The following SMAD5 variants were observed in gnomAD, a reference collection of about 807,000 sequenced individuals.
The protein encoded by SMAD5 is SMAD family member 5.
A neutral mutation model predicts 43.1 loss-of-function variants in SMAD5; 9 were observed. The ratio of observed to expected loss-of-function variants is 0.21; its 90% CI spans 0.13 to 0.36. SMAD5 has a LOEUF of 0.36. SMAD5 is among the 10% of genes least tolerant of loss of function. The pLI is 1.00. For synonymous variants in SMAD5, 190 were observed against 192.4 expected (o/e 0.99, Z 0.10); for missense variants, 348 against 574.0 (o/e 0.61, Z 4.02).
At chr5:136,162,183 C>A (rs916036433) in intron 4 of SMAD5, among the ~76,000 whole-genome samples, 1 of 152,196 alleles carries the variant, frequency 6.6e-6, no homozygotes, top group Non-Finnish European at 1.5e-5. Context: ...GGCACTCACA[C>A]TGGGACTGTT....
intron 2 of SMAD5, among the ~76,000 whole-genome samples, chr5:136,149,926 A>G (rs9327747): frequency 0.34 from 52,149 of 151,562 alleles, 9,657 homozygotes; most frequent in African/African-American, 0.49. Flanking sequence ...TTTGAAACCA[A>G]TCTCTTGAAG....
At chr5:136,163,233 C>CAGAATGAAGATTTTAATTATTATT (rs1168383076) in intron 4 of SMAD5, 39 bp from the exon 5 acceptor site, 1 of 1,550,584 alleles carries the variant, frequency 6.4e-7, no homozygotes, top group Non-Finnish European at 8.7e-7. Flanking sequence ...TAATTTTGAG[C>CAGAATGAAGATTTTAATTATTATT]AGAATGAAGA....
At chr5:136,150,877 A>AT (rs1753432978) in intron 2 of SMAD5, among the ~76,000 whole-genome samples, 1 of 152,046 alleles carries the variant, frequency 6.6e-6, no homozygotes. Flanking sequence ...CTTAGGAACC[A>AT]TCATCTCTAT....
chr5:136,147,100 A>G (rs1753284026), intron 1 of SMAD5, among the ~76,000 whole-genome samples: 1 of 151,748 alleles, frequency 6.6e-6, no homozygotes, highest in Non-Finnish European at 1.5e-5. Flanking sequence ...TATTTTTTAA[A>G]AAGTGGTACA....
chr5:136,141,671 T>C (rs761581480), intron 1 of SMAD5, among the ~76,000 whole-genome samples: 5 of 152,202 alleles, frequency 3.3e-5, no homozygotes, highest in East Asian at 1.9e-4. Flanking sequence ...ATGGCTGTTA[T>C]AGCTGCTGAG....
chr5:136,177,199 T>C, intron 7 of SMAD5, 138 bp from the exon 8 acceptor site: 1 of 687,272 alleles, frequency 1.5e-6, no homozygotes. Context: ...CTAAGACTGG[T>C]TTTGTGATAG....
chr5:136,153,934 T>C lies in SMAD5; in HGVS notation c.174T>C (p.Ser58=). The C allele has an allele frequency of 6.2e-7, 1 of 1,613,434 alleles. No individual in the cohort carries two copies. Among genetic ancestry groups the C allele is most frequent in the Non-Finnish European group, 8.5e-7 (1 of 1,179,776 alleles). Reference sequence around the variant, plus strand: ...AGGAACTGGAGAAAGCCTTGAGCAGTCCAGGACAGCCGAGTAAATGTGTCA... The same window carrying C: ...AGGAACTGGAGAAAGCCTTGAGCAGCCCAGGACAGCCGAGTAAATGTGTCA... ...AMEELEKALS[S]PGQPSKCVTI... Residue 58 remains serine, a synonymous_variant, in exon 3 of 8, where the codon AGT becomes AGC. Transcript: ENST00000545279.
In SMAD5 at chr5:136,136,438, T is replaced by C. The variant is rs560036478; in HGVS notation, c.-245+3476T>C. Among the ~76,000 whole-genome samples, 144 of 152,328 alleles carry C rather than the reference T, an allele frequency of 9.5e-4. 5 individuals carry two copies. The South Asian group carries it at 0.027, about 29-fold the overall frequency. On this transcript the variant is annotated intron_variant, in intron 1 of 7. Transcript: ENST00000545279. ...CTTGTTTTTCCACTTCTGAAGTTAA[T>C]AGAATAATAGTCATTGGAATTTGCA...
intron 1 of SMAD5, among the ~76,000 whole-genome samples, chr5:136,141,197 A>T (rs144539969): frequency 1.3e-4 from 20 of 152,296 alleles, no homozygotes; most frequent in African/African-American, 4.6e-4. Context: ...GTAATATCTG[A>T]GGTTCAAAAG....
intron 2 of SMAD5, among the ~76,000 whole-genome samples, chr5:136,149,886 A>G (rs1169322839): frequency 6.6e-6 from 1 of 151,890 alleles, no homozygotes; most frequent in Non-Finnish European, 1.5e-5. Context: ...TAAGAGTTCT[A>G]GGTTTTTAAA....
At chr5:136,142,917 CTT>C (rs1007769163) in intron 1 of SMAD5, among the ~76,000 whole-genome samples, 1 of 152,138 alleles carries the variant, frequency 6.6e-6, no homozygotes, top group African/African-American at 2.4e-5. Flanking sequence ...TGGTTAGTGT[CTT>C]TTAAGCCTGA....
At chr5:136,168,561 G>A (rs1412971823) in intron 5 of SMAD5, among the ~76,000 whole-genome samples, 2 of 152,170 alleles carry the variant, frequency 1.3e-5, no homozygotes. Flanking sequence ...TGGGACATTT[G>A]TTATAGTCAG....
At chr5:136,165,283 G>T (rs945040581) in intron 5 of SMAD5, among the ~76,000 whole-genome samples, 1 of 152,058 alleles carries the variant, frequency 6.6e-6, no homozygotes, top group African/African-American at 2.4e-5. Context: ...GAGTAGCTGG[G>T]ACTACAGGCA....
chr5:136,164,961 G>A (rs1753946938), intron 5 of SMAD5, among the ~76,000 whole-genome samples: 1 of 152,086 alleles, frequency 6.6e-6, no homozygotes, highest in Non-Finnish European at 1.5e-5. Context: ...GCCATTTGTT[G>A]AAAAGAGTAT....
chr5:136,146,028 A>T (rs2149763400), intron 1 of SMAD5, among the ~76,000 whole-genome samples: 1 of 151,996 alleles, frequency 6.6e-6, no homozygotes, highest in African/African-American at 2.4e-5. Flanking sequence ...GTAGATAGTT[A>T]TGGGCACATT....
chr5:136,155,007 C>T (rs1429455920), intron 3 of SMAD5, among the ~76,000 whole-genome samples: 4 of 152,102 alleles, frequency 2.6e-5, no homozygotes, highest in African/African-American at 7.2e-5. Context: ...GACCTTTTCT[C>T]CATTTATATT....
intron 5 of SMAD5, among the ~76,000 whole-genome samples, chr5:136,166,377 G>A (rs1166338588): frequency 6.6e-6 from 1 of 151,998 alleles, no homozygotes; most frequent in African/African-American, 2.4e-5. Context: ...TATATTGAGT[G>A]CTCTGTATTC....
At chr5:136,169,740 G>A (rs1754148070) in intron 5 of SMAD5, among the ~76,000 whole-genome samples, 1 of 152,200 alleles carries the variant, frequency 6.6e-6, no homozygotes, top group Non-Finnish European at 1.5e-5. Context: ...TCCCAACTAT[G>A]AATGAGAATT....
rs183880354 is a variant in SMAD5, at chr5:136,149,804, A to C, written c.-170+1898A>C. Among the ~76,000 whole-genome samples, 1,259 of 151,946 alleles carry C rather than the reference A, an allele frequency of 8.3e-3. 9 individuals carry two copies. The highest frequency in any genetic ancestry group is 0.028 in the African/African-American group (1,168 of 41,504). Reference sequence around the variant, plus strand: ...AGAAATAATTTCATCAAAAGTGCTAAGTTTTTTAGTCATTCCATATTTAAA... The same window carrying C: ...AGAAATAATTTCATCAAAAGTGCTACGTTTTTTAGTCATTCCATATTTAAA... On this transcript the variant is annotated intron_variant, in intron 2 of 7. Coordinates refer to ENST00000545279, the MANE Select transcript of SMAD5 (RefSeq NM_005903.7).
Sources: gnomAD v4.1 joint callset for allele counts (sites outside exome capture counted in the v4.1 genomes callset) on GRCh38, gnomAD v4.1.1 for gene constraint, MANE v1.5 for transcripts, NCBI Gene and HGNC (gene_info 2026-07-23, HGNC 2026-07-21) for gene names.